Variants in SYT16 observed in about 807,000 individuals in gnomAD.
SYT16 encodes the protein synaptotagmin-16.
A neutral mutation model predicts 61.4 loss-of-function variants in SYT16; 42 were observed. The observed-to-expected ratio is 0.68, with a 90% CI of 0.53 to 0.89. The LOEUF (loss-of-function observed/expected upper bound fraction) is 0.89. SYT16 is among the 40% of genes least tolerant of loss of function. The pLI, the probability that SYT16 is intolerant of heterozygous loss-of-function variation, is 0.00. For synonymous variants in SYT16, 314 were observed against 302.3 expected (o/e 1.04, Z -0.40); for missense variants, 804 against 807.3 (o/e 1.00, Z 0.05).
intron 3 of SYT16, among the ~76,000 whole-genome samples, chr14:62,043,870 G>C (rs913551874): frequency 3.4e-4 from 51 of 151,080 alleles, no homozygotes; most frequent in African/African-American, 1.1e-3. Flanking sequence ...ACAGAATCTT[G>C]CTATGTTACT....
intron 1 of SYT16, among the ~76,000 whole-genome samples, chr14:61,928,959 T>G (rs1482325666): frequency 6.6e-6 from 1 of 152,188 alleles, no homozygotes; most frequent in Non-Finnish European, 1.5e-5. Context: ...TGACAACCTG[T>G]GTGCAGGGGA....
chr14:62,042,844 T>C (rs1218337212), intron 3 of SYT16, among the ~76,000 whole-genome samples: 1 of 152,198 alleles, frequency 6.6e-6, no homozygotes, highest in Non-Finnish European at 1.5e-5. Flanking sequence ...TTCTCTGAGC[T>C]GTGGCCTGGT....
intron 1 of SYT16, among the ~76,000 whole-genome samples, chr14:61,941,500 G>A (rs1484760223): frequency 2.6e-5 from 4 of 152,136 alleles, no homozygotes; most frequent in Admixed American, 6.5e-5. Context: ...GCAATCCGTA[G>A]TGACTTTTGT....
At chr14:61,834,773 C>CT (rs2046071918) in intron 1 of SYT16, among the ~76,000 whole-genome samples, 1 of 152,172 alleles carries the variant, frequency 6.6e-6, no homozygotes, top group Non-Finnish European at 1.5e-5. Flanking sequence ...ACCCATCCAT[C>CT]TATCCAGTTG....
chr14:62,100,543 A>G lies in SYT16; in HGVS notation c.1774A>G (p.Met592Val), dbSNP rs2057396403. ...CTTTCAGCTGTCTGATGTCACGTTG[A>G]TGATTTCCGTTTATAACAGGCGTAC... The part of the protein sequence containing the change: ...ALFQLSDVTL[M>V]ISVYNRRTMK... Residue 592 changes from methionine to valine, a missense_variant, in exon 8 of 8, where the codon ATG becomes GTG. Transcript: ENST00000683842. 1 of 1,613,842 alleles carries G rather than the reference A, an allele frequency of 6.2e-7. No homozygotes were observed.
chr14:61,904,902 C>T (rs1371446626), intron 1 of SYT16, among the ~76,000 whole-genome samples: 1 of 152,100 alleles, frequency 6.6e-6, no homozygotes, highest in African/African-American at 2.4e-5. Context: ...AGAAACATAG[C>T]AATTATTAAA....
chr14:61,940,714 T>C (rs2050173869), intron 1 of SYT16, among the ~76,000 whole-genome samples: 2 of 152,230 alleles, frequency 1.3e-5, no homozygotes, highest in African/African-American at 4.8e-5. Context: ...GTAGCTTCCC[T>C]GGAGATTCAG....
chr14:61,906,609 T>G (rs1216185929), intron 1 of SYT16, among the ~76,000 whole-genome samples: 1 of 152,150 alleles, frequency 6.6e-6, no homozygotes, highest in African/African-American at 2.4e-5. Flanking sequence ...AGCACTAGAG[T>G]ATGCAGTTTT....
chr14:61,933,064 G>A (rs1432100439), intron 1 of SYT16, among the ~76,000 whole-genome samples: 1 of 152,150 alleles, frequency 6.6e-6, no homozygotes, highest in Non-Finnish European at 1.5e-5. Context: ...AGGTGAGTTT[G>A]GGAAAGCCAG....
At chr14:61,895,705 A>G (rs2140346956) in intron 1 of SYT16, among the ~76,000 whole-genome samples, 1 of 152,192 alleles carries the variant, frequency 6.6e-6, no homozygotes, top group Middle Eastern at 3.4e-3. Flanking sequence ...TTTCTACTAT[A>G]TTGTTACTAC....
intron 4 of SYT16, among the ~76,000 whole-genome samples, chr14:62,074,531 C>A (rs990982708): frequency 2.0e-5 from 3 of 152,184 alleles, no homozygotes; most frequent in African/African-American, 7.2e-5. Context: ...AATATTATTT[C>A]ATGTGTCCAC....
At chr14:61,868,433 G>A (rs1015850177) in intron 1 of SYT16, among the ~76,000 whole-genome samples, 2 of 151,702 alleles carry the variant, frequency 1.3e-5, no homozygotes, top group African/African-American at 4.8e-5. Context: ...TGGAAGCATT[G>A]ATTTTAAATA....
At chr14:62,073,710 A>G (rs2056381073) in intron 4 of SYT16, among the ~76,000 whole-genome samples, 1 of 151,912 alleles carries the variant, frequency 6.6e-6, no homozygotes, top group Non-Finnish European at 1.5e-5. Flanking sequence ...GGTTGATAAC[A>G]TATTTTTAAA....
At chr14:62,021,003 G>A (rs1442625731) in intron 3 of SYT16, among the ~76,000 whole-genome samples, 1 of 152,106 alleles carries the variant, frequency 6.6e-6, no homozygotes, top group Non-Finnish European at 1.5e-5. Flanking sequence ...CTATGTCGGT[G>A]CCCTGCTCAT....
At chr14:62,060,068 CTCT>C (rs2140915328) in intron 3 of SYT16, among the ~76,000 whole-genome samples, 1 of 152,138 alleles carries the variant, frequency 6.6e-6, no homozygotes, top group African/African-American at 2.4e-5. Context: ...CCCTACTTTG[CTCT>C]TCTTAAAAAT....
At chr14:61,933,996 T>C (rs892571691) in intron 1 of SYT16, among the ~76,000 whole-genome samples, 2 of 152,174 alleles carry the variant, frequency 1.3e-5, no homozygotes, top group African/African-American at 4.8e-5. Flanking sequence ...TATGTATGTA[T>C]ACAAGTACAT....
intron 1 of SYT16, among the ~76,000 whole-genome samples, chr14:61,888,095 G>A (rs217686): frequency 0.56 from 84,060 of 150,448 alleles, 23,785 homozygotes; most frequent in East Asian, 0.81. Flanking sequence ...CCATTGTAAG[G>A]TTATTAATTG....
At chr14:61,940,514 G>C (rs1407965056) in intron 1 of SYT16, among the ~76,000 whole-genome samples, 1 of 152,112 alleles carries the variant, frequency 6.6e-6, no homozygotes, top group Non-Finnish European at 1.5e-5. Context: ...CTCTGACACA[G>C]CATTCTGCAA....
intron 1 of SYT16, among the ~76,000 whole-genome samples, chr14:61,938,779 CAG>C (rs2050091144): frequency 1.3e-5 from 2 of 152,060 alleles, no homozygotes; most frequent in Admixed American, 1.3e-4. Context: ...ATTTAGGGGA[CAG>C]AGGGAGTGTG....
Sources: allele counts gnomAD v4.1 joint callset (sites outside exome capture counted in the v4.1 genomes callset), GRCh38; gene constraint gnomAD v4.1.1; transcripts MANE v1.5; gene names NCBI Gene and HGNC (gene_info 2026-07-23, HGNC 2026-07-21).